Variants in ACSM2A observed in about 807,000 individuals in gnomAD.
ACSM2A encodes acyl-coenzyme A synthetase ACSM2A, mitochondrial.
In ACSM2A, 72 loss-of-function variants were observed where a neutral mutation model predicts 76.6. That is an observed-to-expected ratio of 0.94 (90% CI 0.78 to 1.14). The LOEUF is 1.14. Ranked by LOEUF, ACSM2A falls within the 50% of genes most tolerant of loss-of-function variation. The pLI, the probability that ACSM2A is intolerant of heterozygous loss-of-function variation, is 0.00. For synonymous variants in ACSM2A, 249 were observed against 255.9 expected, an observed-to-expected ratio of 0.97 and a Z score of 0.26; for missense variants, 684 against 708.5, an observed-to-expected ratio of 0.97 and a Z score of 0.39.
chr16:20,475,216 T>A (rs2013660729), intron 6 of ACSM2A, 146 bp from the exon 7 acceptor site: 1 of 1,535,858 alleles, frequency 6.5e-7, no homozygotes. Context: ...GTGGGGCTCA[T>A]TTAACCTGAA....
At chr16:20,478,537 G>A in intron 9 of ACSM2A, 39 bp from the exon 10 acceptor site, 1 of 1,601,668 alleles carries the variant, frequency 6.2e-7, no homozygotes, top group Non-Finnish European at 8.5e-7. Flanking sequence ...GCCATCTCCT[G>A]CTGTGTGCAT....
Position 20,460,215 on chromosome 16 carries a change from A to G in ACSM2A, c.101A>G (p.Gln34Arg). The G allele has an allele frequency of 6.2e-7, 1 of 1,613,580 alleles. No individual in the cohort carries two copies. The highest frequency in any genetic ancestry group is 8.5e-7 in the Non-Finnish European group (1 of 1,179,754). ...YINSRQLVSL[Q>R]WGHQEVPAKF... ...AATAGTAGGCAACTGGTGTCCCTGCAGTGGGGCCACCAGGAAGTGCCGGCC... is the reference window on the plus strand; with the variant it reads ...AATAGTAGGCAACTGGTGTCCCTGCGGTGGGGCCACCAGGAAGTGCCGGCC... The change falls in exon 2 of 14, where the codon CAG (glutamine) becomes CGG (arginine). Residue 34 changes from glutamine (Q) to arginine (R), a missense_variant. Physicochemically the swap from Gln to Arg is conservative, Grantham distance 43 (BLOSUM62 1). This residue lies in a region of ACSM2A where 519 missense variants were observed against 549.5 expected (regional missense o/e 0.94). Transcript: ENST00000573854.
intron 1 of ACSM2A, among the ~76,000 whole-genome samples, chr16:20,458,924 AT>A (rs2012423229): frequency 1.6e-5 from 1 of 63,918 alleles, no homozygotes; most frequent in African/African-American, 8.7e-5. Flanking sequence ...ATATATATAT[AT>A]ATATATACAT....
At chr16:20,468,064 C>T (rs2013123575) in intron 3 of ACSM2A, among the ~76,000 whole-genome samples, 1 of 152,038 alleles carries the variant, frequency 6.6e-6, no homozygotes, top group African/African-American at 2.4e-5. Context: ...GCGACCAAAC[C>T]AACTGCAGGA....
rs772616566 is a variant in ACSM2A at position 20,477,458 on chromosome 16, G to A, written c.1179+9G>A. On this transcript the variant is annotated intron_variant, in intron 9 of 13. Coordinates refer to ENST00000573854, the MANE Select transcript of ACSM2A (RefSeq NM_001308172.2). Reference sequence around the variant, plus strand: ...CCTGTTATGATGTACAGGTTTGCTCGGGACACTGAGGAGGGAGGAAGTTAG... The same window carrying A: ...CCTGTTATGATGTACAGGTTTGCTCAGGACACTGAGGAGGGAGGAAGTTAG... The A allele has an allele frequency of 8.2e-6, 13 of 1,589,350 alleles. No homozygotes were observed. The highest frequency in any genetic ancestry group is 3.5e-5 in the South Asian group (3 of 85,812).
intron 6 of ACSM2A, among the ~76,000 whole-genome samples, chr16:20,473,257 T>C (rs1052819422): frequency 2.0e-5 from 3 of 152,192 alleles, no homozygotes; most frequent in Non-Finnish European, 4.4e-5. Flanking sequence ...AATAATACTG[T>C]CATTCTCTGT....
Position 20,475,566 on chromosome 16 carries a change from C to G in ACSM2A, c.975-84C>G, listed in dbSNP as rs1207834610. 3 of 1,605,982 alleles carry G rather than the reference C, an allele frequency of 1.9e-6. No individual in the cohort carries two copies. The East Asian group carries it at 6.7e-5, about 36-fold the overall frequency. ...AGCCCCATGAAGCCATTTGCATCATCAAAGCACCCAGAAACCCAGTCTAGG... is the reference window on the plus strand; with the variant it reads ...AGCCCCATGAAGCCATTTGCATCATGAAAGCACCCAGAAACCCAGTCTAGG... On this transcript the variant is annotated intron_variant, in intron 7 of 13. Transcript: ENST00000573854.
intron 1 of ACSM2A, among the ~76,000 whole-genome samples, chr16:20,452,647 A>T (rs2011845472): frequency 7.1e-6 from 1 of 141,176 alleles, no homozygotes; most frequent in African/African-American, 2.7e-5. Context: ...TCTCTAGAGA[A>T]CCCTGACTAA....
At position 20,471,229 on chromosome 16, in the gene ACSM2A, C is replaced by G; in HGVS notation, c.740+13C>G. 1 of 1,606,652 alleles carries G rather than the reference C, an allele frequency of 6.2e-7. No individual in the cohort carries two copies. ...AGATGGATGCTGGGTAAGCTGAGCT[C>G]TTTCTCTCTACAGAGAATTACATGA... On this transcript the variant is annotated intron_variant, in intron 5 of 13. Transcript: ENST00000573854.
Position 20,483,091 on chromosome 16 carries a change from T to C in ACSM2A, c.1543T>C (p.Phe515Leu). 5.0e-6 allele frequency: 8 copies of C among 1,614,066 alleles called. No individual in the cohort carries two copies. The highest frequency in any genetic ancestry group is 6.8e-6 in the Non-Finnish European group (8 of 1,179,974). ...GGCATTTGTGGTCCTGGCCTCGCAG[T>C]TCCTGTCCCATGACCCAGAACAGCT... is the stretch of plus-strand genomic sequence containing the variant. ...VKAFVVLASQ[F>L]LSHDPEQLTK... is the part of the protein sequence containing the mutation. Residue 515 changes from phenylalanine to leucine, a missense_variant, in exon 13 of 14, where the codon TTC becomes CTC. Physicochemically the swap from Phe to Leu is conservative, Grantham distance 22 (BLOSUM62 0). Transcript: ENST00000573854.
chr16:20,456,865 TC>T (rs2012193525), intron 1 of ACSM2A, among the ~76,000 whole-genome samples: 1 of 150,728 alleles, frequency 6.6e-6, no homozygotes, highest in Non-Finnish European at 1.5e-5. Flanking sequence ...AAAATCTGGT[TC>T]TTTGAAAAGA....
chr16:20,474,666 C>T (rs2013620262), intron 6 of ACSM2A, among the ~76,000 whole-genome samples: 2 of 152,190 alleles, frequency 1.3e-5, no homozygotes, highest in Non-Finnish European at 2.9e-5. Flanking sequence ...GACAGGAATA[C>T]ATGCTGCAAA....
intron 1 of ACSM2A, among the ~76,000 whole-genome samples, chr16:20,457,229 TAC>T (rs1244310029): frequency 1.3e-5 from 2 of 151,992 alleles, no homozygotes; most frequent in Non-Finnish European, 2.9e-5. Context: ...AGCTGAATTC[TAC>T]CAGACATTCA....
chr16:20,480,859 A>C lies in ACSM2A; in HGVS notation c.1447A>C (p.Met483Leu). ...ACCCTCGGAGGTAGAGAATGCACTG[A>C]TGGAGCACCCTGCTGTGGTTGAGAC... is the stretch of plus-strand genomic sequence containing the variant. ...IGPSEVENALMEHPAVVETAV... is the reference protein window; with the variant it reads ...IGPSEVENALLEHPAVVETAV... The change falls in exon 12 of 14, where the codon ATG becomes CTG. Residue 483 changes from methionine (M) to leucine (L), a missense_variant. Transcript: ENST00000573854. 4 of 1,613,910 alleles carry C rather than the reference A, an allele frequency of 2.5e-6. No individual in the cohort carries two copies. Among genetic ancestry groups the C allele is most frequent in the Non-Finnish European group, 3.4e-6 (4 of 1,179,856 alleles).
chr16:20,482,471 T>C (rs1461267219), intron 12 of ACSM2A: 1 of 152,282 alleles, frequency 6.6e-6, no homozygotes, highest in Admixed American at 6.5e-5. Flanking sequence ...AGGTGGGATG[T>C]GTGGATCAGT....
chr16:20,481,039 C>T (rs1452225736), intron 12 of ACSM2A, 118 bp downstream of exon 12: 3 of 1,248,708 alleles, frequency 2.4e-6, no homozygotes, highest in East Asian at 5.1e-5. Context: ...CTTGGCCCTG[C>T]CACTTACTAG....
intron 4 of ACSM2A, 71 bp downstream of exon 4, chr16:20,469,790 T>C: frequency 1.9e-6 from 3 of 1,600,572 alleles, no homozygotes; most frequent in Non-Finnish European, 2.6e-6. Context: ...TAGGTGCAGG[T>C]GCTTTATTGA....
rs369396208 is a variant in ACSM2A at position 20,463,125 on chromosome 16, A to G, written c.178-2392A>G. ...AGGGATAACATTAGGCGATATACCT[A>G]ATGTTAAATGACGAGTTAAGCTGTG... On this transcript the variant is annotated intron_variant, in intron 2 of 13. Coordinates refer to ENST00000573854, the MANE Select transcript of ACSM2A (RefSeq NM_001308172.2). Among the ~76,000 whole-genome samples the G allele has an allele frequency of 9.2e-4, 139 of 151,790 alleles. 2 individuals are homozygous for G. The South Asian group carries it at 0.027, about 30-fold the overall frequency.
chr16:20,464,423 G>A (rs1159819513), intron 2 of ACSM2A, among the ~76,000 whole-genome samples: 2 of 152,194 alleles, frequency 1.3e-5, no homozygotes, highest in African/African-American at 2.4e-5. Context: ...AGGAAGTGTG[G>A]TGCTGGCATC....
Sources: allele counts gnomAD v4.1 joint callset (sites outside exome capture counted in the v4.1 genomes callset), GRCh38; gene constraint gnomAD v4.1.1; regional missense constraint gnomAD v4.1.1; transcripts MANE v1.5; gene names NCBI Gene and HGNC (gene_info 2026-07-23, HGNC 2026-07-21).